NFIA: variants seen among roughly 807,000 people sequenced by gnomAD.
The protein encoded by NFIA is nuclear factor I A.
NFIA carries 8 observed loss-of-function variants against 62.8 expected under a neutral mutation model. The observed-to-expected ratio is 0.13, with a 90% CI of 0.07 to 0.23. The LOEUF (loss-of-function observed/expected upper bound fraction) is 0.23, where lower values mean the gene tolerates loss of function less well. NFIA is among the 10% of genes least tolerant of loss of function. The pLI, the probability that NFIA is intolerant of heterozygous loss-of-function variation, is 1.00. For missense variants in NFIA, 410 were observed against 642.1 expected (o/e 0.64, Z 3.91); for synonymous variants, 235 against 238.1 (o/e 0.99, Z 0.12).
At chr1:61,426,253 A>G (rs1021976764) in intron 9 of NFIA, among the ~76,000 whole-genome samples, 7 of 152,098 alleles carry the variant, frequency 4.6e-5, no homozygotes. Flanking sequence ...GTTTGACATC[A>G]TTTTATCCCA....
At chr1:61,103,845 C>G in intron 2 of NFIA, among the ~76,000 whole-genome samples, 1 of 152,078 alleles carries the variant, frequency 6.6e-6, no homozygotes, top group East Asian at 1.9e-4. Flanking sequence ...CATATTAACC[C>G]AAAGGAATTA....
chr1:61,306,651 C>G (rs1337825167), intron 3 of NFIA, among the ~76,000 whole-genome samples: 1 of 152,164 alleles, frequency 6.6e-6, no homozygotes. Flanking sequence ...TTCTTTACCA[C>G]TTACCATGAT....
intron 10 of NFIA, among the ~76,000 whole-genome samples, chr1:61,454,559 G>A (rs1441774896): frequency 6.6e-6 from 1 of 152,228 alleles, no homozygotes; most frequent in Non-Finnish European, 1.5e-5. Context: ...GTACTTAATA[G>A]AGTAAAATCT....
intron 6 of NFIA, among the ~76,000 whole-genome samples, chr1:61,382,652 T>C (rs1664478229): frequency 6.6e-6 from 1 of 152,242 alleles, no homozygotes; most frequent in African/African-American, 2.4e-5. Context: ...ATTGCTTACA[T>C]TGGTTATACC....
At chr1:61,289,589 T>G (rs1658733747) in intron 3 of NFIA, among the ~76,000 whole-genome samples, 1 of 152,226 alleles carries the variant, frequency 6.6e-6, no homozygotes, top group Non-Finnish European at 1.5e-5. Flanking sequence ...TTGTATAAAT[T>G]TGAACAAGTT....
intron 2 of NFIA, among the ~76,000 whole-genome samples, chr1:61,211,485 C>T (rs1196351926): frequency 6.6e-6 from 1 of 152,092 alleles, no homozygotes; most frequent in Non-Finnish European, 1.5e-5. Flanking sequence ...CATGGATTAT[C>T]TCATTTAATT....
At chr1:61,285,783 C>T (rs753098178) in intron 3 of NFIA, among the ~76,000 whole-genome samples, 18 of 152,162 alleles carry the variant, frequency 1.2e-4, no homozygotes, top group African/African-American at 3.9e-4. Flanking sequence ...ATGGCTTATC[C>T]ACAGGCATCA....
At chr1:61,274,612 A>T (rs1438543246) in intron 2 of NFIA, among the ~76,000 whole-genome samples, 1 of 152,160 alleles carries the variant, frequency 6.6e-6, no homozygotes, top group East Asian at 1.9e-4. Flanking sequence ...TCAATCAACC[A>T]CGTGATATTT....
Position 61,148,180 on chromosome 1 carries a change from G to A in NFIA, c.559+59500G>A, listed in dbSNP as rs559228742. Among the ~76,000 whole-genome samples, 7 of 152,254 alleles carry A rather than the reference G, an allele frequency of 4.6e-5. No individual in the cohort carries two copies. In the South Asian group the frequency reaches 1.4e-3, roughly 32 times the overall value. ...CATCTAATGTAGTAGGTACTCATTA[G>A]CATTTGCAACATGAATAGGAGAATG... On this transcript the variant is annotated intron_variant, in intron 2 of 10. Transcript: ENST00000403491.
chr1:61,364,611 C>T (rs1663484609), intron 6 of NFIA, among the ~76,000 whole-genome samples: 1 of 151,496 alleles, frequency 6.6e-6, no homozygotes, highest in African/African-American at 2.4e-5. Flanking sequence ...TACAAGTATC[C>T]CTCACCTGAA....
intron 2 of NFIA, among the ~76,000 whole-genome samples, chr1:61,247,459 A>G (rs67613990): frequency 0.064 from 9,805 of 152,282 alleles, 436 homozygotes; most frequent in South Asian, 0.15. Flanking sequence ...TATCTGTGGC[A>G]GGGTCAGCTC....
chr1:61,220,227 A>C (rs1653934002), intron 2 of NFIA, among the ~76,000 whole-genome samples: 1 of 152,198 alleles, frequency 6.6e-6, no homozygotes, highest in South Asian at 2.1e-4. Context: ...AAAACCCATG[A>C]GATTTTAACT....
intron 6 of NFIA, among the ~76,000 whole-genome samples, chr1:61,371,181 T>G (rs1663866515): frequency 6.6e-6 from 1 of 152,182 alleles, no homozygotes. Flanking sequence ...GGGACTTATA[T>G]AAGCAACACT....
chr1:61,172,256 T>C (rs1408152561), intron 2 of NFIA, among the ~76,000 whole-genome samples: 2 of 152,174 alleles, frequency 1.3e-5, no homozygotes, highest in African/African-American at 2.4e-5. Flanking sequence ...TGGAGGCAAA[T>C]GGTCACAGAA....
intron 3 of NFIA, among the ~76,000 whole-genome samples, chr1:61,301,597 G>A (rs1488740847): frequency 6.6e-6 from 1 of 151,974 alleles, no homozygotes; most frequent in South Asian, 2.1e-4. Context: ...TTACCCTTGT[G>A]GTTATTTTTT....
At chr1:61,268,239 T>C (rs887529044) in intron 2 of NFIA, among the ~76,000 whole-genome samples, 2 of 152,242 alleles carry the variant, frequency 1.3e-5, no homozygotes, top group Non-Finnish European at 2.9e-5. Flanking sequence ...TTAAGGCTTC[T>C]GCATTTTTTA....
Position 61,406,630 on chromosome 1 carries a change from G to T in NFIA, c.1323G>T (p.Pro441=), listed in dbSNP as rs773626430. 7.4e-7 allele frequency: 1 copy of T among 1,342,762 alleles called. No homozygotes were observed. Among genetic ancestry groups the T allele is most frequent in the African/African-American group, 1.7e-5 (1 of 58,048 alleles). 83.2% of individuals were successfully genotyped at this position (1,342,762 alleles called of 1,614,324 possible). ...CCACCCCAATGTTGCCACCGCCACC[G>T]CCACCACCGATGGCCAGGCCTGTGC... The part of the protein sequence containing the change: ...FLPTPMLPPP[P]PPPMARPVPL... Residue 441 remains proline, a synonymous_variant, in exon 9 of 11, where the codon CCG becomes CCT. Coordinates refer to ENST00000403491, the MANE Select transcript of NFIA (RefSeq NM_001134673.4).
At chr1:61,131,520 CAT>C (rs1034071731) in intron 2 of NFIA, among the ~76,000 whole-genome samples, 2 of 152,068 alleles carry the variant, frequency 1.3e-5, no homozygotes, top group African/African-American at 4.8e-5. Context: ...AAGCTACAGA[CAT>C]ATTTTAGCAT....
At chr1:61,083,329 G>C (rs1403695824) in intron 1 of NFIA, among the ~76,000 whole-genome samples, 1 of 152,124 alleles carries the variant, frequency 6.6e-6, no homozygotes, top group Non-Finnish European at 1.5e-5. Flanking sequence ...GGGAGACCTC[G>C]GGTGCCTGCG....
Sources: allele counts gnomAD v4.1 joint callset (sites outside exome capture counted in the v4.1 genomes callset), GRCh38; gene constraint gnomAD v4.1.1; transcripts MANE v1.5; gene names NCBI Gene and HGNC (gene_info 2026-07-23, HGNC 2026-07-21).